HSD17B14: variants seen among roughly 807,000 people sequenced by gnomAD.
HSD17B14 encodes the protein L-fucose dehydrogenase.
Under a neutral mutation model 32.2 loss-of-function variants are expected in HSD17B14, and 32 were observed. That is an observed-to-expected ratio of 0.99 (90% CI 0.75 to 1.33). HSD17B14 has a LOEUF of 1.33. HSD17B14 is among the 40% of genes most tolerant of loss of function. The pLI is 0.00. For synonymous variants in HSD17B14, 140 were observed against 155.4 expected (o/e 0.90, Z 0.74); for missense variants, 370 against 366.5 (o/e 1.01, Z -0.08).
chr19:48,826,757 T>A (rs2035258115), intron 5 of HSD17B14, among the ~76,000 whole-genome samples: 1 of 151,236 alleles, frequency 6.6e-6, no homozygotes, highest in Non-Finnish European at 1.5e-5. Flanking sequence ...GACCTCAGAG[T>A]CAGCACCTGA....
At chr19:48,831,894 A>G in intron 4 of HSD17B14, 135 bp from the exon 5 acceptor site, 2 of 606,150 alleles carry the variant, frequency 3.3e-6, no homozygotes, top group Admixed American at 3.0e-5. Context: ...CCTGGCTGAC[A>G]GGGCAAAACC....
Position 48,814,835 on chromosome 19 carries a change from T to C in HSD17B14, c.474+202A>G, listed in dbSNP as rs112351469. On this transcript the variant is annotated intron_variant, in intron 6 of 8. Coordinates refer to ENST00000263278, the MANE Select transcript of HSD17B14 (RefSeq NM_016246.3). The stretch of plus-strand genomic sequence containing the variant: ...AGCCTGGTGACAGAGCGAGACTCCA[T>C]CTTTAAAAAAAAAAAAAGAAAAGAA... Among the ~76,000 whole-genome samples, 764 of 116,850 alleles carry C rather than the reference T, an allele frequency of 6.5e-3. 5 individuals carry two copies. The highest frequency in any genetic ancestry group is 0.01 in the Non-Finnish European group (577 of 55,364). 76.7% of individuals were successfully genotyped at this position (116,850 alleles called of 152,430 possible). A position where few individuals can be genotyped will look rare whatever the true frequency, so the allele number is the denominator to read the frequency against.
intron 1 of HSD17B14, 64 bp downstream of exon 1, chr19:48,836,260 A>T: frequency 8.4e-7 from 1 of 1,184,108 alleles, no homozygotes; most frequent in Non-Finnish European, 1.2e-6. Context: ...TTCCGCCCCC[A>T]TCACCCCGCC....
chr19:48,834,268 C>T lies in HSD17B14; in HGVS notation c.210+8G>A, dbSNP rs759267082. On this transcript the variant is annotated splice_region_variant and intron_variant, in intron 3 of 8. Coordinates refer to ENST00000263278, the MANE Select transcript of HSD17B14 (RefSeq NM_016246.3). The stretch of plus-strand genomic sequence containing the variant: ...GGAGATGGGGGTAGGAACAGGAACT[C>T]GGCTTACCTTCACATCATCTTCCTG... The T allele has an allele frequency of 9.9e-6, 16 of 1,611,912 alleles. No homozygotes were observed. The highest frequency in any genetic ancestry group is 3.3e-5 in the South Asian group (3 of 90,998).
Position 48,813,650 on chromosome 19 carries a change from C to T in HSD17B14, c.542+13G>A. On this transcript the variant is annotated intron_variant, in intron 7 of 8. Coordinates refer to ENST00000263278, the MANE Select transcript of HSD17B14 (RefSeq NM_016246.3). ...CCCCCCAGGAGGCTCTCCGCCTGCT[C>T]AGAGCAGCTCACCAGTTGACTCGGA... 1.2e-6 allele frequency: 2 copies of T among 1,614,180 alleles called. No individual in the cohort carries two copies. Among genetic ancestry groups the T allele is most frequent in the Non-Finnish European group, 1.7e-6 (2 of 1,180,002 alleles).
At chr19:48,817,816 T>C (rs1228774558) in intron 5 of HSD17B14, among the ~76,000 whole-genome samples, 1 of 152,194 alleles carries the variant, frequency 6.6e-6, no homozygotes, top group African/African-American at 2.4e-5. Flanking sequence ...GATTAGCTCA[T>C]TTCATCCCTC....
At position 48,813,572 on chromosome 19, in the gene HSD17B14, G is replaced by C. The variant is rs760425770; in HGVS notation, c.543-20C>G. On this transcript the variant is annotated intron_variant, in intron 7 of 8. Coordinates refer to ENST00000263278, the MANE Select transcript of HSD17B14 (RefSeq NM_016246.3). ...GAGATACTAGAGGAAGGGAGAGGGG[G>C]GATCAAAGCAATCTGTCTCGAACCA... 30 of 1,613,180 alleles carry C rather than the reference G, an allele frequency of 1.9e-5. No individual in the cohort carries two copies. The Admixed American group carries it at 5.0e-4, about 27-fold the overall frequency.
chr19:48,825,945 C>T (rs187110518), intron 5 of HSD17B14, among the ~76,000 whole-genome samples: 22 of 152,176 alleles, frequency 1.4e-4, no homozygotes, highest in Non-Finnish European at 2.8e-4. Context: ...CTCAGCCTCC[C>T]GAGTAGCTGG....
chr19:48,831,940 TG>T (rs1470497059), intron 4 of HSD17B14, among the ~76,000 whole-genome samples, 181 bp from the exon 5 acceptor site: 7 of 150,792 alleles, frequency 4.6e-5, no homozygotes, highest in Non-Finnish European at 1.0e-4. Context: ...TAGCTGGGTG[TG>T]GTGGCGGGTG....
chr19:48,814,885 G>C, intron 6 of HSD17B14, 152 bp downstream of exon 6: 1 of 571,266 alleles, frequency 1.8e-6, no homozygotes, highest in Non-Finnish European at 3.2e-6. Context: ...ATCTGTCACA[G>C]GCAGTTATGC....
intron 5 of HSD17B14, among the ~76,000 whole-genome samples, chr19:48,816,823 C>CT (rs771913787): frequency 4.1e-4 from 21 of 50,780 alleles, no homozygotes; most frequent in African/African-American, 6.5e-4. Flanking sequence ...TTCTTTCTTT[C>CT]TTTTCTTTCT....
At chr19:48,828,246 T>C (rs1360458893) in intron 5 of HSD17B14, among the ~76,000 whole-genome samples, 1 of 152,198 alleles carries the variant, frequency 6.6e-6, no homozygotes, top group African/African-American at 2.4e-5. Flanking sequence ...TTTACAGACA[T>C]CACATTGATT....
At chr19:48,832,986 C>T (rs1248566063) in intron 3 of HSD17B14, among the ~76,000 whole-genome samples, 1 of 151,652 alleles carries the variant, frequency 6.6e-6, no homozygotes, top group African/African-American at 2.4e-5. Context: ...AACTCCTGAG[C>T]TCAAGTGATC....
chr19:48,813,244 AC>A lies in HSD17B14; in HGVS notation c.743del (p.Gly248ValfsTer35). The A allele has an allele frequency of 1.9e-6, 3 of 1,608,598 alleles. No homozygotes were observed. The highest frequency in any genetic ancestry group is 1.7e-6 in the Non-Finnish European group (2 of 1,177,834). On this transcript the variant is annotated frameshift_variant, in exon 9 of 9. Coordinates refer to ENST00000263278, the MANE Select transcript of HSD17B14 (RefSeq NM_016246.3). LOFTEE classifies it low-confidence loss of function (END_TRUNC). ...CTGIELLVTG[G>X]AELGYGCKAS... ...CCTTGCACCCGTACCCCAGCTCTGC[AC>A]CCCCCGTCACGAGCAGTTCAATGCC...
intron 6 of HSD17B14, 48 bp downstream of exon 6, chr19:48,814,989 C>T: frequency 6.9e-7 from 1 of 1,454,964 alleles, no homozygotes; most frequent in Non-Finnish European, 9.6e-7. Context: ...AAAGCCAAGG[C>T]CCATGGGAAG....
At chr19:48,836,273 C>G (rs780504191) in intron 1 of HSD17B14, 51 bp downstream of exon 1, 1 of 1,561,982 alleles carries the variant, frequency 6.4e-7, no homozygotes, top group African/African-American at 1.4e-5. Context: ...ACCCCGCCCC[C>G]ATCCTTCCTT....
Position 48,813,229 on chromosome 19 carries a change from G to A in HSD17B14, c.759C>T (p.Tyr253=), listed in dbSNP as rs371019958. 8 of 1,611,064 alleles carry A rather than the reference G, an allele frequency of 5.0e-6. No individual in the cohort carries two copies. Among genetic ancestry groups the A allele is most frequent in the South Asian group, 3.3e-5 (3 of 90,490 alleles). ...GGGTGCTCCGACTGGCCTTGCACCC[G>A]TACCCCAGCTCTGCACCCCCCGTCA... ...LLVTGGAELG[Y]GCKASRSTPV... The change falls in exon 9 of 9, where the codon TAC becomes TAT. Residue 253 remains tyrosine (Y), a synonymous_variant. Coordinates refer to ENST00000263278, the MANE Select transcript of HSD17B14 (RefSeq NM_016246.3).
At position 48,836,346 on chromosome 19, in the gene HSD17B14, TCCGATG is replaced by T; in HGVS notation, c.60_65del (p.Ile21_Gly22del). Reference sequence around the variant, plus strand: ...CACCGAAGGCGCGCACGATCCCAGCTCCGATGCCGCGCCCGCCCCCGGTCACGACCA... The same window carrying T: ...CACCGAAGGCGCGCACGATCCCAGCTCCGCGCCCGCCCCCGGTCACGACCA... On this transcript the variant is annotated inframe_deletion, in exon 1 of 9. Coordinates refer to ENST00000263278, the MANE Select transcript of HSD17B14 (RefSeq NM_016246.3). 6.2e-7 allele frequency: 1 copy of T among 1,609,838 alleles called. No individual in the cohort carries two copies. The highest frequency in any genetic ancestry group is 1.4e-5 in the African/African-American group (1 of 72,948).
chr19:48,813,621 C>T (rs1447108142), intron 7 of HSD17B14, 42 bp downstream of exon 7: 3 of 1,613,288 alleles, frequency 1.9e-6, no homozygotes, highest in East Asian at 2.2e-5. Context: ...CCAGTCACCC[C>T]AGTCCCCCCA....
Sources: gnomAD v4.1 joint callset for allele counts (sites outside exome capture counted in the v4.1 genomes callset) on GRCh38, gnomAD v4.1.1 for gene constraint, MANE v1.5 for transcripts, NCBI Gene and HGNC (gene_info 2026-07-23, HGNC 2026-07-21) for gene names.